JMY: variants seen among roughly 807,000 people sequenced by gnomAD.
The protein encoded by JMY is junction mediating and regulatory protein, p53 cofactor, also known as junction-mediating and -regulatory protein.
JMY carries 46 observed loss-of-function variants against 103.3 expected under a neutral mutation model. The observed-to-expected ratio is 0.45, with a 90% CI of 0.35 to 0.57. The LOEUF is 0.57. JMY is among the 20% of genes least tolerant of loss of function. The pLI is 0.00. For missense variants in JMY, 1,238 were observed against 1,255.2 expected (o/e 0.99, Z 0.21); for synonymous variants, 526 against 489.3 (o/e 1.07, Z -0.99).
intron 1 of JMY, among the ~76,000 whole-genome samples, chr5:79,253,204 T>G (rs1430408808): frequency 6.6e-6 from 1 of 152,210 alleles, no homozygotes; most frequent in African/African-American, 2.4e-5. Context: ...TCCCCACTTT[T>G]TAACTTTTTG....
At chr5:79,249,087 T>A (rs1319333018) in intron 1 of JMY, among the ~76,000 whole-genome samples, 2 of 144,168 alleles carry the variant, frequency 1.4e-5, no homozygotes, top group Admixed American at 1.4e-4. Context: ...TGTTAGGTGA[T>A]GTGAATTTTG....
rs1346494664 is a variant in JMY, at chr5:79,324,912, A to G, written c.*3310A>G. ...CTTACTCTATGTAATAAGGAAAAAA[A>G]TTGTTTCCACAAAGTTGAACTATGT... On this transcript the variant is annotated 3_prime_UTR_variant, in exon 11 of 11. Coordinates refer to ENST00000396137, the MANE Select transcript of JMY (RefSeq NM_152405.5). 2 of 152,642 alleles carry G rather than the reference A, an allele frequency of 1.3e-5. No individual in the cohort carries two copies. Among genetic ancestry groups the G allele is most frequent in the African/African-American group, 4.8e-5 (2 of 41,458 alleles). 9.5% of individuals were successfully genotyped at this position (152,642 alleles called of 1,614,324 possible).
At chr5:79,303,991 G>A (rs1746812471) in intron 6 of JMY, among the ~76,000 whole-genome samples, 2 of 152,166 alleles carry the variant, frequency 1.3e-5, no homozygotes, top group African/African-American at 2.4e-5. Flanking sequence ...TACTCTTCTA[G>A]CAGTATTAAG....
chr5:79,292,424 C>A (rs572282707), intron 4 of JMY, among the ~76,000 whole-genome samples: 115 of 152,174 alleles, frequency 7.6e-4, no homozygotes, highest in Middle Eastern at 3.4e-3. Flanking sequence ...CTCAAGCAGT[C>A]CTACCTCAGG....
At chr5:79,280,092 C>T (rs1449746724) in intron 2 of JMY, among the ~76,000 whole-genome samples, 1 of 152,162 alleles carries the variant, frequency 6.6e-6, no homozygotes, top group East Asian at 1.9e-4. Context: ...AATCTGCCCA[C>T]CTTGATTGCC....
chr5:79,294,086 G>C (rs1322141954), intron 4 of JMY, among the ~76,000 whole-genome samples: 1 of 152,162 alleles, frequency 6.6e-6, no homozygotes, highest in Admixed American at 6.5e-5. Context: ...GTTATTAATT[G>C]AAATAGATGA....
chr5:79,316,379 G>T lies in JMY; in HGVS notation c.*3+69G>T. 3.2e-6 allele frequency: 4 copies of T among 1,268,856 alleles called. No individual in the cohort carries two copies. In the South Asian group the frequency reaches 4.5e-5, roughly 14 times the overall value. The allele number at this position is 1,268,856 out of a possible 1,614,324, so 78.6% of individuals were successfully genotyped here. On this transcript the variant is annotated intron_variant, in intron 10 of 10. Transcript: ENST00000396137. ...TTTATATCGGATGATGAGGTTTGGG[G>T]TATTTTTTATTGAGCCTGAGGCATA...
At chr5:79,310,957 C>A (rs1747028447) in intron 7 of JMY, among the ~76,000 whole-genome samples, 2 of 152,060 alleles carry the variant, frequency 1.3e-5, no homozygotes, top group African/African-American at 2.4e-5. Flanking sequence ...CTGACCCTGT[C>A]TCTATAAAAA....
intron 7 of JMY, among the ~76,000 whole-genome samples, chr5:79,311,121 A>G (rs1307630518): frequency 6.8e-6 from 1 of 146,632 alleles, no homozygotes; most frequent in African/African-American, 2.5e-5. Flanking sequence ...ATTGCATTTT[A>G]TTCAGAAAAT....
At chr5:79,244,782 G>A (rs1004535663) in intron 1 of JMY, among the ~76,000 whole-genome samples, 4 of 151,188 alleles carry the variant, frequency 2.6e-5, no homozygotes, top group Non-Finnish European at 5.9e-5. Flanking sequence ...TAAGTTCCAA[G>A]TGTAAGAGAC....
chr5:79,320,732 G>A (rs1345871874), intron 10 of JMY, among the ~76,000 whole-genome samples: 1 of 152,178 alleles, frequency 6.6e-6, no homozygotes, highest in Non-Finnish European at 1.5e-5. Context: ...TGAAACTGAT[G>A]TTTGTAATAT....
At chr5:79,254,180 C>T (rs1745172391) in intron 1 of JMY, among the ~76,000 whole-genome samples, 1 of 151,270 alleles carries the variant, frequency 6.6e-6, no homozygotes, top group African/African-American at 2.4e-5. Flanking sequence ...GTCTCAAACT[C>T]CTGACCTCGT....
At chr5:79,284,056 T>TTTG in intron 2 of JMY, 1 of 807,968 alleles carries the variant, frequency 1.2e-6, no homozygotes, top group Non-Finnish European at 1.7e-6. Flanking sequence ...TACTTTCTTT[T>TTTG]TTTTATTTTT....
intron 1 of JMY, among the ~76,000 whole-genome samples, chr5:79,238,825 C>T (rs1744644909): frequency 6.6e-6 from 1 of 151,816 alleles, no homozygotes; most frequent in African/African-American, 2.4e-5. Flanking sequence ...CACGTTAGCC[C>T]GGCTACTTTT....
At chr5:79,307,930 T>A (rs1746936574) in intron 7 of JMY, among the ~76,000 whole-genome samples, 1 of 152,110 alleles carries the variant, frequency 6.6e-6, no homozygotes, top group Admixed American at 6.5e-5. Context: ...AGAGATGGGG[T>A]TTCACCATGT....
At chr5:79,245,740 C>G (rs1744880297) in intron 1 of JMY, among the ~76,000 whole-genome samples, 1 of 152,148 alleles carries the variant, frequency 6.6e-6, no homozygotes. Flanking sequence ...ATTATTCTGC[C>G]TCAGTCTCCT....
chr5:79,248,921 G>A (rs1199235613), intron 1 of JMY, among the ~76,000 whole-genome samples: 3 of 151,996 alleles, frequency 2.0e-5, no homozygotes, highest in Non-Finnish European at 2.9e-5. Context: ...ACCACGTCTG[G>A]CTGACTTTTT....
chr5:79,261,175 C>T (rs1239004226), intron 1 of JMY, among the ~76,000 whole-genome samples: 1 of 152,098 alleles, frequency 6.6e-6, no homozygotes, highest in Non-Finnish European at 1.5e-5. Context: ...ATGCTTCCGC[C>T]ATATTTTGCC....
chr5:79,270,837 G>T (rs942818647), intron 1 of JMY, among the ~76,000 whole-genome samples: 1 of 151,356 alleles, frequency 6.6e-6, no homozygotes, highest in Non-Finnish European at 1.5e-5. Context: ...ATCATGAATT[G>T]AGTGTTGGAT....
Sources: allele counts gnomAD v4.1 joint callset (sites outside exome capture counted in the v4.1 genomes callset), GRCh38; gene constraint gnomAD v4.1.1; transcripts MANE v1.5; gene names NCBI Gene and HGNC (gene_info 2026-07-23, HGNC 2026-07-21).